ROBO2: variants seen among roughly 807,000 people sequenced by gnomAD.
ROBO2 encodes roundabout guidance receptor 2, also known as roundabout homolog 2.
In ROBO2, 53 loss-of-function variants were observed where a neutral mutation model predicts 160.8. The observed-to-expected ratio is 0.33, with a 90% CI of 0.26 to 0.41. ROBO2 has a LOEUF of 0.41. Ranked by LOEUF, ROBO2 falls within the 10% of genes least tolerant of loss-of-function variation. The pLI, the probability that ROBO2 is intolerant of heterozygous loss-of-function variation, is 1.00. For missense variants in ROBO2, 1,577 were observed against 1,722.4 expected (o/e 0.92, Z 1.49); for synonymous variants, 664 against 611.7 (o/e 1.09, Z -1.26).
intron 2 of ROBO2, among the ~76,000 whole-genome samples, chr3:76,758,064 C>A (rs2061083835): frequency 6.6e-6 from 1 of 151,642 alleles, no homozygotes; most frequent in Non-Finnish European, 1.5e-5. Flanking sequence ...AAGATATACT[C>A]TAATATTTCA....
At chr3:76,567,763 C>CTG (rs71101900) in intron 2 of ROBO2, among the ~76,000 whole-genome samples, 23,506 of 88,110 alleles carry the variant, frequency 0.27, 4,283 homozygotes, top group Non-Finnish European at 0.37. Flanking sequence ...ATATATCTGT[C>CTG]TGTGTGTGTG....
intron 2 of ROBO2, among the ~76,000 whole-genome samples, chr3:76,680,921 G>A (rs749299953): frequency 3.0e-4 from 46 of 152,024 alleles, no homozygotes; most frequent in Admixed American, 1.2e-3. Flanking sequence ...AGACTACCGG[G>A]ATGCACCATC....
chr3:76,670,505 G>A (rs1281286483), intron 2 of ROBO2, among the ~76,000 whole-genome samples: 3 of 151,966 alleles, frequency 2.0e-5, no homozygotes. Context: ...CAGTCAGCAA[G>A]TGTCAAAGCA....
At chr3:76,803,564 G>GA (rs1185504384) in intron 2 of ROBO2, among the ~76,000 whole-genome samples, 11 of 150,440 alleles carry the variant, frequency 7.3e-5, no homozygotes, top group Non-Finnish European at 1.3e-4. Flanking sequence ...AAGGAGAGAG[G>GA]AAAAAAAACA....
intron 21 of ROBO2, among the ~76,000 whole-genome samples, chr3:77,614,953 C>T (rs951009911): frequency 1.8e-4 from 28 of 152,098 alleles, no homozygotes; most frequent in African/African-American, 6.5e-4. Flanking sequence ...ATTCCTTTCT[C>T]TTCCTCCGGG....
At chr3:76,768,275 C>A (rs534590689) in intron 2 of ROBO2, among the ~76,000 whole-genome samples, 1 of 151,372 alleles carries the variant, frequency 6.6e-6, no homozygotes, top group South Asian at 2.1e-4. Context: ...CAGACCTTTA[C>A]GAGGTCAGTT....
chr3:77,574,398 G>C, intron 13 of ROBO2, 101 bp from the exon 15 acceptor site: 1 of 963,374 alleles, frequency 1.0e-6, no homozygotes, highest in South Asian at 1.4e-5. Flanking sequence ...TCAGTTGATA[G>C]TTATGAGGAC....
At chr3:76,559,701 G>A (rs551989380) in intron 2 of ROBO2, among the ~76,000 whole-genome samples, 1 of 152,200 alleles carries the variant, frequency 6.6e-6, no homozygotes, top group South Asian at 2.1e-4. Context: ...GTGCACCTTT[G>A]GCTCCTGAGA....
chr3:76,955,654 A>C (rs1473115042), intron 2 of ROBO2, among the ~76,000 whole-genome samples: 1 of 152,204 alleles, frequency 6.6e-6, no homozygotes, highest in African/African-American at 2.4e-5. Context: ...GGAATATTCA[A>C]TGCACTAAAA....
At chr3:77,299,023 A>AG (rs1276942885) in intron 2 of ROBO2, among the ~76,000 whole-genome samples, 2 of 152,180 alleles carry the variant, frequency 1.3e-5, no homozygotes, top group East Asian at 3.9e-4. Flanking sequence ...TTCATGAAAA[A>AG]GGTAGAATTT....
chr3:76,836,437 T>G (rs575032865), intron 2 of ROBO2, among the ~76,000 whole-genome samples: 3 of 107,126 alleles, frequency 2.8e-5, no homozygotes, highest in East Asian at 3.4e-4. Context: ...AATTTTTTTG[T>G]TTTTTTTTTT....
chr3:76,796,598 T>G (rs2063721291), intron 2 of ROBO2, among the ~76,000 whole-genome samples: 1 of 151,856 alleles, frequency 6.6e-6, no homozygotes, highest in South Asian at 2.1e-4. Flanking sequence ...AAGCTATTAC[T>G]TATCAATAAA....
chr3:76,731,289 G>A (rs1560460843), intron 2 of ROBO2, among the ~76,000 whole-genome samples: 2 of 152,166 alleles, frequency 1.3e-5, no homozygotes, highest in Non-Finnish European at 2.9e-5. Flanking sequence ...TCAGCGTTTA[G>A]TTTAATGAAA....
chr3:76,595,031 C>T (rs1475487942), intron 2 of ROBO2, among the ~76,000 whole-genome samples: 1 of 151,866 alleles, frequency 6.6e-6, no homozygotes, highest in Non-Finnish European at 1.5e-5. Flanking sequence ...GGGATTAGTG[C>T]CCTGATGAGA....
At chr3:76,278,072 C>T (rs1255250536) in intron 2 of ROBO2, among the ~76,000 whole-genome samples, 3 of 151,634 alleles carry the variant, frequency 2.0e-5, no homozygotes, top group Non-Finnish European at 4.4e-5. Flanking sequence ...CGGTGAAATG[C>T]AATATTGTCA....
intron 2 of ROBO2, among the ~76,000 whole-genome samples, chr3:75,961,746 A>G (rs1206819806): frequency 6.6e-6 from 1 of 151,710 alleles, no homozygotes; most frequent in Non-Finnish European, 1.5e-5. Context: ...AACAAAAAAT[A>G]TTGTATTAAA....
At chr3:77,401,933 A>G (rs1486971093) in intron 2 of ROBO2, among the ~76,000 whole-genome samples, 1 of 152,166 alleles carries the variant, frequency 6.6e-6, no homozygotes, top group African/African-American at 2.4e-5. Flanking sequence ...GCATCTGTAT[A>G]TACCCAAAGG....
Position 77,180,416 on chromosome 3 carries a change from C to CTCTCTCTCTATATATATATATATATATA in ROBO2, c.388+82077_388+82078insCTCTCTCTATATATATATATATATATAT, listed in dbSNP as rs1433740534. 6.9e-4 allele frequency among the ~76,000 whole-genome samples: 63 copies of CTCTCTCTCTATATATATATATATATATA among 90,680 alleles called. 2 individuals carry two copies. The highest frequency in any genetic ancestry group is 1.2e-3 in the Non-Finnish European group (53 of 43,856). 59.5% of individuals were successfully genotyped at this position (90,680 alleles called of 152,430 possible). ...TCTCTCTCTCTCTCTCTCTCTCTCT[C>CTCTCTCTCTATATATATATATATATATA]TATATATATATATATGTATTTTTTT... On this transcript the variant is annotated intron_variant, in intron 2 of 25. Transcript: ENST00000461745.
intron 2 of ROBO2, among the ~76,000 whole-genome samples, chr3:76,558,118 T>C (rs182473706): frequency 4.6e-5 from 7 of 152,180 alleles, no homozygotes; most frequent in Admixed American, 2.6e-4. Flanking sequence ...TCAACTCTGT[T>C]GTGATAGTTG....
Sources: gnomAD v4.1 joint callset for allele counts (sites outside exome capture counted in the v4.1 genomes callset) on GRCh38, gnomAD v4.1.1 for gene constraint, MANE v1.5 for transcripts, NCBI Gene and HGNC (gene_info 2026-07-23, HGNC 2026-07-21) for gene names.